The following NTRK2 variants were observed in gnomAD, a reference collection of about 807,000 sequenced individuals.
NTRK2 encodes the protein BDNF/NT-3 growth factors receptor.
A neutral mutation model predicts 94.5 loss-of-function variants in NTRK2; 13 were observed. That is an observed-to-expected ratio of 0.14 (90% confidence interval 0.09 to 0.22). The LOEUF (loss-of-function observed/expected upper bound fraction) is 0.22, where lower values mean the gene tolerates loss of function less well. Among genes scored for constraint, NTRK2 ranks in the 10% least tolerant of loss-of-function variants. NTRK2 has a pLI of 1.00. For missense variants in NTRK2, 639 were observed against 1,071.2 expected (o/e 0.60, Z 5.63); for synonymous variants, 372 against 407.4 (o/e 0.91, Z 1.05).
At chr9:84,797,182 C>T (rs1488690825) in intron 12 of NTRK2, among the ~76,000 whole-genome samples, 1 of 151,766 alleles carries the variant, frequency 6.6e-6, no homozygotes, top group Non-Finnish European at 1.5e-5. Context: ...GTTGCATTAC[C>T]CAAAGGTGAG....
In NTRK2 at chr9:84,817,009, G is replaced by A. The variant is rs796215666; in HGVS notation, c.1397-44031G>A. On this transcript the variant is annotated intron_variant, in intron 12 of 18. Transcript: ENST00000277120. The stretch of plus-strand genomic sequence containing the variant: ...CTTGGGAAAGTTCTTTCACTGCTCC[G>A]TGCTTCAATTTCTTCCTTTGCAGAA... 2.6e-4 allele frequency among the ~76,000 whole-genome samples: 39 copies of A among 152,202 alleles called. 2 individuals are homozygous for A. The highest frequency in any genetic ancestry group is 8.3e-4 in the South Asian group (4 of 4,812).
At chr9:84,950,346 C>A (rs1182341885) in intron 16 of NTRK2, among the ~76,000 whole-genome samples, 1 of 152,172 alleles carries the variant, frequency 6.6e-6, no homozygotes, top group African/African-American at 2.4e-5. Flanking sequence ...ATGTGCTGAG[C>A]AAGATACTCC....
chr9:84,974,401 A>C (rs113606665), intron 17 of NTRK2, among the ~76,000 whole-genome samples: 1 of 152,198 alleles, frequency 6.6e-6, no homozygotes, highest in Non-Finnish European at 1.5e-5. Flanking sequence ...TGTGCAAAGT[A>C]AGTCAAACAT....
At chr9:84,671,055 G>A in intron 2 of NTRK2, 95 bp downstream of exon 2, 1 of 1,168,924 alleles carries the variant, frequency 8.6e-7, no homozygotes, top group Middle Eastern at 2.2e-4. Flanking sequence ...TGTCCCAAGA[G>A]TGGGGAGAAG....
intron 17 of NTRK2, among the ~76,000 whole-genome samples, chr9:84,989,439 G>A (rs1295187583): frequency 2.0e-5 from 3 of 152,162 alleles, no homozygotes; most frequent in African/African-American, 4.8e-5. Flanking sequence ...ATATATGTGA[G>A]AGGATACCTC....
chr9:84,781,420 T>C (rs2067550841), intron 12 of NTRK2, among the ~76,000 whole-genome samples: 1 of 150,022 alleles, frequency 6.7e-6, no homozygotes, highest in Non-Finnish European at 1.5e-5. Flanking sequence ...ATCATAAGTA[T>C]ACTTTTTTCT....
intron 17 of NTRK2, among the ~76,000 whole-genome samples, chr9:85,016,188 C>T (rs181616364): frequency 1.3e-5 from 2 of 152,222 alleles, no homozygotes; most frequent in East Asian, 1.9e-4. Context: ...CAAGGGCTGC[C>T]CTAACTCTTC....
At chr9:84,858,144 C>G (rs914996928) in intron 12 of NTRK2, among the ~76,000 whole-genome samples, 11 of 152,100 alleles carry the variant, frequency 7.2e-5, no homozygotes, top group African/African-American at 2.7e-4. Flanking sequence ...CATCTCCTTT[C>G]TTTCACCTTC....
intron 17 of NTRK2, among the ~76,000 whole-genome samples, chr9:84,992,257 C>A (rs1829172623): frequency 6.6e-6 from 1 of 152,090 alleles, no homozygotes; most frequent in Non-Finnish European, 1.5e-5. Context: ...AGTGACCACA[C>A]TTTCATAGGC....
chr9:84,982,883 A>G (rs1290349123), intron 17 of NTRK2, among the ~76,000 whole-genome samples: 1 of 152,250 alleles, frequency 6.6e-6, no homozygotes, highest in Non-Finnish European at 1.5e-5. Flanking sequence ...ATGTTTATCA[A>G]AGGGGATGGA....
Position 84,801,137 on chromosome 9 carries a change from T to A in NTRK2, c.1396+49052T>A, listed in dbSNP as rs533598378. 7.2e-5 allele frequency among the ~76,000 whole-genome samples: 11 copies of A among 152,334 alleles called. 1 individual carries two copies. In the Middle Eastern group the frequency reaches 0.01, roughly 141 times the overall value. On this transcript the variant is annotated intron_variant, in intron 12 of 18. Coordinates refer to ENST00000277120, the MANE Select transcript of NTRK2 (RefSeq NM_006180.6). ...AAGGTACTCACATTAGTTCTGGTTA[T>A]CAGAACCTGTTAGATTTTTTTTCAT...
At chr9:84,973,520 C>T (rs145727468) in intron 17 of NTRK2, among the ~76,000 whole-genome samples, 1 of 152,300 alleles carries the variant, frequency 6.6e-6, no homozygotes, top group African/African-American at 2.4e-5. Context: ...AAACAGACCC[C>T]AAAACCCTTT....
At chr9:84,989,804 C>A (rs1033672587) in intron 17 of NTRK2, among the ~76,000 whole-genome samples, 1 of 152,136 alleles carries the variant, frequency 6.6e-6, no homozygotes, top group African/African-American at 2.4e-5. Flanking sequence ...AAAGTAAAAC[C>A]ACTTTTCTTT....
intron 17 of NTRK2, among the ~76,000 whole-genome samples, chr9:85,017,946 TGA>T (rs965484929): frequency 5.3e-5 from 8 of 152,204 alleles, no homozygotes; most frequent in Non-Finnish European, 1.2e-4. Context: ...AAGGTTAAAA[TGA>T]GAGAGGTAAG....
At chr9:84,700,653 T>C (rs1209697430) in intron 2 of NTRK2, among the ~76,000 whole-genome samples, 2 of 152,206 alleles carry the variant, frequency 1.3e-5, no homozygotes, top group Non-Finnish European at 2.9e-5. Context: ...CCCAAACCCT[T>C]ACTATACAGC....
chr9:84,715,446 CAA>C (rs2061657760), intron 6 of NTRK2, among the ~76,000 whole-genome samples: 1 of 152,110 alleles, frequency 6.6e-6, no homozygotes, highest in Non-Finnish European at 1.5e-5. Flanking sequence ...AAATGCCTCA[CAA>C]TATTTTTCTA....
At chr9:84,702,075 A>G in intron 2 of NTRK2, 84 bp from the exon 3 acceptor site, 1 of 1,258,292 alleles carries the variant, frequency 7.9e-7, no homozygotes, top group Non-Finnish European at 1.2e-6. Flanking sequence ...CACCTTGGAC[A>G]CCTGGGTGAG....
In NTRK2 at chr9:84,702,342, TC is replaced by T; in HGVS notation, c.288-5del. 1 of 1,614,182 alleles carries T rather than the reference TC, an allele frequency of 6.2e-7. No homozygotes were observed. ...CTAATGTGCATGAAATTATGTGTTT[TC>T]ACAGGACAATTGTGGATTCTGGATT... On this transcript the variant is annotated splice_region_variant and splice_polypyrimidine_tract_variant and intron_variant, in intron 3 of 18. Transcript: ENST00000277120.
At chr9:84,992,829 A>G (rs963592255) in intron 17 of NTRK2, among the ~76,000 whole-genome samples, 2 of 152,078 alleles carry the variant, frequency 1.3e-5, no homozygotes, top group East Asian at 1.9e-4. Context: ...AAGCTGGGTG[A>G]TGAGAACAGG....
Sources: gnomAD v4.1 joint callset for allele counts (sites outside exome capture counted in the v4.1 genomes callset) on GRCh38, gnomAD v4.1.1 for gene constraint, MANE v1.5 for transcripts, NCBI Gene and HGNC (gene_info 2026-07-23, HGNC 2026-07-21) for gene names.